RHBDL3: variants seen among roughly 807,000 people sequenced by gnomAD.
The protein encoded by RHBDL3 is rhomboid like 3.
A neutral mutation model predicts 48.2 loss-of-function variants in RHBDL3; 28 were observed. The observed-to-expected ratio is 0.58, with a 90% CI of 0.43 to 0.80. RHBDL3 has a LOEUF of 0.80. Ranked by LOEUF, RHBDL3 falls within the 30% of genes least tolerant of loss-of-function variation. RHBDL3 has a pLI of 0.00. For missense variants in RHBDL3, 464 were observed against 542.7 expected, an observed-to-expected ratio of 0.85 and a Z score of 1.44; for synonymous variants, 208 against 232.3, an observed-to-expected ratio of 0.90 and a Z score of 0.95.
rs774868118 is a variant in RHBDL3 at position 32,321,086 on chromosome 17, C to A, written c.1072C>A (p.Leu358Met). The A allele has an allele frequency of 6.2e-7, 1 of 1,614,240 alleles. No individual in the cohort carries two copies. Among genetic ancestry groups the A allele is most frequent in the Non-Finnish European group, 8.5e-7 (1 of 1,180,028 alleles). Residue 358 changes from leucine to methionine, a missense_variant, in exon 9 of 9, where the codon CTG becomes ATG. Transcript: ENST00000269051. ...GGGCATCACCCTGGGCGTGGTGGTC[C>A]TGAGGAACTACGAGCAGAGGCTCCA... ...AVGITLGVVVLRNYEQRLQDQ... is the reference protein window; with the variant it reads ...AVGITLGVVVMRNYEQRLQDQ...
chr17:32,271,407 T>C (rs1210887108), intron 2 of RHBDL3, among the ~76,000 whole-genome samples: 1 of 152,186 alleles, frequency 6.6e-6, no homozygotes, highest in African/African-American at 2.4e-5. Flanking sequence ...CCTTTAGTTA[T>C]CGCTTTACAT....
chr17:32,303,709 C>G (rs2040640885), intron 6 of RHBDL3, among the ~76,000 whole-genome samples: 1 of 151,906 alleles, frequency 6.6e-6, no homozygotes, highest in African/African-American at 2.4e-5. Context: ...GTTGTGGGGA[C>G]TCTCTTTCTT....
chr17:32,266,298 G>A lies in RHBDL3; in HGVS notation c.109G>A (p.Asp37Asn), dbSNP rs1434838719. 6.9e-7 allele frequency: 1 copy of A among 1,450,326 alleles called. No homozygotes were observed. The highest frequency in any genetic ancestry group is 2.4e-5 in the Admixed American group (1 of 40,884). 89.8% of individuals were successfully genotyped at this position (1,450,326 alleles called of 1,614,324 possible). A position where few individuals can be genotyped will look rare whatever the true frequency, so the allele number is the denominator to read the frequency against. The part of the protein sequence containing the change: ...AEERLPAAPE[D>N]HWKVLFDQFD... ...GGAGCGGCTGCCCGCGGCGCCGGAGGACGTGAGTGCCCCCTCCCCGCCCGG... is the reference window on the plus strand; with the variant it reads ...GGAGCGGCTGCCCGCGGCGCCGGAGAACGTGAGTGCCCCCTCCCCGCCCGG... Residue 37 changes from aspartate (D) to asparagine (N), a missense_variant and splice_region_variant, in exon 1 of 9, where the codon GAC becomes AAC. Coordinates refer to ENST00000269051, the MANE Select transcript of RHBDL3 (RefSeq NM_138328.3).
intron 2 of RHBDL3, among the ~76,000 whole-genome samples, chr17:32,269,453 C>T (rs116861917): frequency 0.015 from 2,238 of 152,318 alleles, 31 homozygotes; most frequent in Non-Finnish European, 0.026. Context: ...TTGCAGATGC[C>T]GGAGTGGGCG....
chr17:32,317,372 T>G (rs1444425830), intron 8 of RHBDL3, among the ~76,000 whole-genome samples: 1 of 152,202 alleles, frequency 6.6e-6, no homozygotes, highest in African/African-American at 2.4e-5. Flanking sequence ...CACACATATA[T>G]CAAAAGCTGC....
chr17:32,277,328 C>G (rs1398220142), intron 2 of RHBDL3, among the ~76,000 whole-genome samples: 1 of 152,250 alleles, frequency 6.6e-6, no homozygotes, highest in Admixed American at 6.5e-5. Context: ...GAAAATCACA[C>G]ATACATCATA....
At chr17:32,310,074 A>T (rs1270121550) in intron 7 of RHBDL3, among the ~76,000 whole-genome samples, 1 of 152,044 alleles carries the variant, frequency 6.6e-6, no homozygotes, top group Non-Finnish European at 1.5e-5. Context: ...AAACACTAGA[A>T]ATATACAGAT....
At chr17:32,296,549 T>C (rs2040455282) in intron 5 of RHBDL3, among the ~76,000 whole-genome samples, 1 of 151,592 alleles carries the variant, frequency 6.6e-6, no homozygotes, top group Non-Finnish European at 1.5e-5. Flanking sequence ...TTGGCCAGGT[T>C]GGTCTTGAAC....
At chr17:32,269,775 A>G (rs992921024) in intron 2 of RHBDL3, among the ~76,000 whole-genome samples, 3 of 152,126 alleles carry the variant, frequency 2.0e-5, no homozygotes, top group African/African-American at 7.2e-5. Context: ...GTCTGTGTCT[A>G]TCTTTTTCAT....
chr17:32,288,966 TA>T lies in RHBDL3; in HGVS notation c.470del (p.Tyr157SerfsTer10). The T allele has an allele frequency of 3.1e-6, 5 of 1,614,178 alleles. No homozygotes were observed. The highest frequency in any genetic ancestry group is 4.2e-6 in the Non-Finnish European group (5 of 1,180,042). On this transcript the variant is annotated frameshift_variant, in exon 4 of 9. Coordinates refer to ENST00000269051, the MANE Select transcript of RHBDL3 (RefSeq NM_138328.3). LOFTEE classifies it high-confidence loss of function. ...EIDRKWYYDS[Y>X]TCCPPPWFMI... ...TGACCGCAAGTGGTACTATGACAGC[TA>T]CACCTGCTGCCCCCCACCCTGGTTC...
chr17:32,287,314 C>A (rs2040220956), intron 3 of RHBDL3, among the ~76,000 whole-genome samples: 1 of 152,116 alleles, frequency 6.6e-6, no homozygotes, highest in African/African-American at 2.4e-5. Context: ...AGAGTGGCCA[C>A]AAAATAATCT....
At chr17:32,289,698 G>A (rs1424787286) in intron 4 of RHBDL3, among the ~76,000 whole-genome samples, 1 of 152,216 alleles carries the variant, frequency 6.6e-6, no homozygotes, top group Non-Finnish European at 1.5e-5. Context: ...GTGCCCATGT[G>A]TGATAAAACT....
At chr17:32,307,520 C>T (rs2040739623) in intron 7 of RHBDL3, among the ~76,000 whole-genome samples, 1 of 152,080 alleles carries the variant, frequency 6.6e-6, no homozygotes, top group African/African-American at 2.4e-5. Flanking sequence ...GAAGAAAGAG[C>T]ACAAGAGGGA....
At chr17:32,314,201 T>A (rs2040913969) in intron 7 of RHBDL3, among the ~76,000 whole-genome samples, 1 of 152,108 alleles carries the variant, frequency 6.6e-6, no homozygotes. Context: ...CCTCACCTTC[T>A]GTGAAGAAGG....
chr17:32,279,600 GC>G (rs2150700656), intron 2 of RHBDL3, among the ~76,000 whole-genome samples: 1 of 152,286 alleles, frequency 6.6e-6, no homozygotes, highest in Non-Finnish European at 1.5e-5. Context: ...ATGTCCTGTA[GC>G]CCCTTGACTG....
At chr17:32,311,509 C>A (rs2040847989) in intron 7 of RHBDL3, among the ~76,000 whole-genome samples, 2 of 152,194 alleles carry the variant, frequency 1.3e-5, no homozygotes, top group South Asian at 4.1e-4. Flanking sequence ...GTGGACAGAG[C>A]CCTGGACCAG....
At chr17:32,288,025 C>G (rs1400566286) in intron 3 of RHBDL3, among the ~76,000 whole-genome samples, 21 of 152,164 alleles carry the variant, frequency 1.4e-4, no homozygotes, top group Admixed American at 1.4e-3. Flanking sequence ...GCTCTGCAGC[C>G]AGTCTTTGGG....
intron 2 of RHBDL3, among the ~76,000 whole-genome samples, chr17:32,274,101 C>T (rs1467144153): frequency 6.6e-6 from 1 of 152,160 alleles, no homozygotes; most frequent in Non-Finnish European, 1.5e-5. Context: ...TATCAGGCTG[C>T]CTGCTTTAGG....
At chr17:32,267,275 T>C (rs1247125346) in intron 1 of RHBDL3, among the ~76,000 whole-genome samples, 1 of 152,112 alleles carries the variant, frequency 6.6e-6, no homozygotes, top group African/African-American at 2.4e-5. Context: ...GAATCTGATG[T>C]AGTCACCACT....
Sources: allele counts gnomAD v4.1 joint callset (sites outside exome capture counted in the v4.1 genomes callset), GRCh38; gene constraint gnomAD v4.1.1; transcripts MANE v1.5; gene names NCBI Gene and HGNC (gene_info 2026-07-23, HGNC 2026-07-21).